The following GRAMD1B variants were observed in gnomAD, a reference collection of about 807,000 sequenced individuals.
GRAMD1B encodes the protein protein Aster-B.
In GRAMD1B, 37 loss-of-function variants were observed where a neutral mutation model predicts 99.7. The ratio of observed to expected loss-of-function variants is 0.37; its 90% CI spans 0.29 to 0.49. The LOEUF (loss-of-function observed/expected upper bound fraction) is 0.49, where lower values mean the gene tolerates loss of function less well. Among genes scored for constraint, GRAMD1B ranks in the 20% least tolerant of loss-of-function variants. GRAMD1B has a pLI of 0.98. For missense variants in GRAMD1B, 888 were observed against 1,009.2 expected, an observed-to-expected ratio of 0.88 and a Z score of 1.63; for synonymous variants, 427 against 387.6, an observed-to-expected ratio of 1.10 and a Z score of -1.19.
intron 1 of GRAMD1B, among the ~76,000 whole-genome samples, chr11:123,365,686 T>C (rs1946298044): frequency 6.6e-6 from 1 of 152,228 alleles, no homozygotes; most frequent in South Asian, 2.1e-4. Context: ...AAAATATGGA[T>C]ACCCGTGCAA....
At chr11:123,608,063 A>G (rs1216052190) in intron 11 of GRAMD1B, 1 of 162,228 alleles carries the variant, frequency 6.2e-6, no homozygotes, top group Admixed American at 5.9e-5. Flanking sequence ...TTGCTATATG[A>G]TGAAGCTGTA....
intron 2 of GRAMD1B, among the ~76,000 whole-genome samples, chr11:123,513,571 T>TCCCTTC (rs1245100756): frequency 9.6e-6 from 1 of 103,870 alleles, no homozygotes; most frequent in African/African-American, 4.2e-5. Context: ...CTTCCTTCCT[T>TCCCTTC]CCTTCCTTTC....
At chr11:123,428,054 G>T (rs975156017), upstream of GRAMD1B, among the ~76,000 whole-genome samples, 21 of 152,252 alleles carry the variant, frequency 1.4e-4, no homozygotes. Context: ...GAATCTTCTG[G>T]CCCCTGTCTT....
intron 1 of GRAMD1B, among the ~76,000 whole-genome samples, chr11:123,474,446 T>A (rs933558824): frequency 6.6e-6 from 1 of 152,222 alleles, no homozygotes; most frequent in Non-Finnish European, 1.5e-5. Context: ...TCAGATACTG[T>A]GACTGGATTA....
intron 1 of GRAMD1B, among the ~76,000 whole-genome samples, chr11:123,438,658 AT>A (rs1949272371): frequency 6.6e-6 from 1 of 152,214 alleles, no homozygotes; most frequent in South Asian, 2.1e-4. Flanking sequence ...TATTTGGAAA[AT>A]TTCCTTGGTG....
chr11:123,409,848 C>T (rs1424581830), intron 1 of GRAMD1B, among the ~76,000 whole-genome samples: 3 of 152,316 alleles, frequency 2.0e-5, no homozygotes, highest in South Asian at 4.1e-4. Flanking sequence ...GGCTTTAGAA[C>T]ATTTAAAGAA....
intron 1 of GRAMD1B, among the ~76,000 whole-genome samples, chr11:123,418,886 G>T (rs1395030781): frequency 6.6e-6 from 1 of 152,110 alleles, no homozygotes; most frequent in Non-Finnish European, 1.5e-5. Context: ...ATAAATGTAA[G>T]TGCTCAGTCT....
intron 2 of GRAMD1B, among the ~76,000 whole-genome samples, chr11:123,566,924 C>T (rs1173304560): frequency 1.3e-5 from 2 of 152,112 alleles, no homozygotes; most frequent in Non-Finnish European, 2.9e-5. Flanking sequence ...TGGTGGTAAG[C>T]AAGGAAAAAA....
intron 1 of GRAMD1B, among the ~76,000 whole-genome samples, chr11:123,453,606 C>T (rs556597617): frequency 1.3e-5 from 2 of 152,138 alleles, no homozygotes; most frequent in Non-Finnish European, 2.9e-5. Flanking sequence ...CATGAGCCAC[C>T]GTGCCTGGCA....
intron 17 of GRAMD1B, among the ~76,000 whole-genome samples, chr11:123,615,806 A>G (rs1954292109): frequency 6.6e-6 from 1 of 152,322 alleles, no homozygotes; most frequent in African/African-American, 2.4e-5. Context: ...TTAATTATCC[A>G]TAACATTACA....
rs530231889 is a variant in GRAMD1B at position 123,607,178 on chromosome 11, G to A, written c.1513+380G>A. On this transcript the variant is annotated intron_variant, in intron 11 of 19. Transcript: ENST00000635736. ...ACAGAAACGTCCTCAAGATAGCTGC[G>A]AAACTTGTTAATGCAATTTTTGCTG... Among the ~76,000 whole-genome samples the A allele has an allele frequency of 4.9e-4, 75 of 152,266 alleles. No individual in the cohort carries two copies. In the South Asian group the frequency reaches 0.012, roughly 25 times the overall value.
rs1955382476 is a variant in GRAMD1B, at chr11:123,624,452, G to C, written c.*1857G>C. 1 of 152,214 alleles carries C rather than the reference G, an allele frequency of 6.6e-6. No homozygotes were observed. The highest frequency in any genetic ancestry group is 2.1e-4 in the South Asian group (1 of 4,826). 9.4% of individuals were successfully genotyped at this position (152,214 alleles called of 1,614,324 possible). ...GGGAGGAGGGTGAGGAGGCTCCAGGGCATGAGCTAGAGTGGATATTCCTCC... is the reference window on the plus strand; with the variant it reads ...GGGAGGAGGGTGAGGAGGCTCCAGGCCATGAGCTAGAGTGGATATTCCTCC... On this transcript the variant is annotated 3_prime_UTR_variant, in exon 20 of 20. Coordinates refer to ENST00000635736, the MANE Select transcript of GRAMD1B (RefSeq NM_001387025.1).
rs776786355 is a variant in GRAMD1B at position 123,610,375 on chromosome 11, G to A, written c.1919+37G>A. The A allele has an allele frequency of 6.2e-7, 1 of 1,606,910 alleles. No individual in the cohort carries two copies. Among genetic ancestry groups the A allele is most frequent in the South Asian group, 1.1e-5 (1 of 90,912 alleles). On this transcript the variant is annotated intron_variant, in intron 14 of 19. Transcript: ENST00000635736. The surrounding 1 kb of genome is among the most constrained non-coding windows in gnomAD (Gnocchi z 4.1). Reference sequence around the variant, plus strand: ...GGAAGTCCCAGTGCGGTCAGACGGGGGTCCTTACCTTAGAGAACATTCATT... The same window carrying A: ...GGAAGTCCCAGTGCGGTCAGACGGGAGTCCTTACCTTAGAGAACATTCATT...
intron 1 of GRAMD1B, among the ~76,000 whole-genome samples, chr11:123,387,048 G>GT (rs1307103146): frequency 6.6e-6 from 1 of 152,166 alleles, no homozygotes; most frequent in Non-Finnish European, 1.5e-5. Flanking sequence ...GACTGCAGCT[G>GT]TTTAAGTGCT....
intron 1 of GRAMD1B, among the ~76,000 whole-genome samples, chr11:123,371,832 AC>A (rs1946539042): frequency 6.6e-6 from 1 of 151,920 alleles, no homozygotes; most frequent in Non-Finnish European, 1.5e-5. Flanking sequence ...CTCTGTCCTT[AC>A]CCCAGGCTCA....
chr11:123,599,123 A>C (rs1951641783), intron 7 of GRAMD1B: 1 of 836,368 alleles, frequency 1.2e-6, no homozygotes, highest in Admixed American at 1.7e-5. Context: ...GGAGCTCCTC[A>C]AATTCCACTG....
rs1555043308 is a variant in GRAMD1B, at chr11:123,492,895, C to CACACACACACACACAT, written c.452+12002_452+12003insACACACACACACACAT. Among the ~76,000 whole-genome samples the CACACACACACACACAT allele has an allele frequency of 3.4e-3, 518 of 151,702 alleles. 5 individuals carry two copies. Among genetic ancestry groups the CACACACACACACACAT allele is most frequent in the Admixed American group, 5.8e-3 (88 of 15,212 alleles). The stretch of plus-strand genomic sequence containing the variant: ...ACACACACACACACACACACACACA[C>CACACACACACACACAT]GCATAGGCATAGATGCCTGTGATTG... On this transcript the variant is annotated intron_variant, in intron 2 of 19. Coordinates refer to ENST00000635736, the MANE Select transcript of GRAMD1B (RefSeq NM_001387025.1). The surrounding 1 kb of genome is among the most constrained non-coding windows in gnomAD (Gnocchi z 4.2).
intron 1 of GRAMD1B, among the ~76,000 whole-genome samples, chr11:123,415,470 T>C (rs1277115131): frequency 4.6e-5 from 7 of 152,014 alleles, no homozygotes; most frequent in East Asian, 1.9e-4. Flanking sequence ...GTGGTGACAT[T>C]GCTATCTTTT....
Position 123,613,510 on chromosome 11 carries a change from T to A in GRAMD1B, c.2079T>A (p.Ser693=). The change falls in exon 16 of 20, where the codon TCT becomes TCA. Residue 693 remains serine (S), a synonymous_variant. Transcript: ENST00000635736. Reference sequence around the variant, plus strand: ...ATTTGGCTGAGATGCACAGACAATCTCCCAAAGAGAAGGCCAGCAAGACTA... The same window carrying A: ...ATTTGGCTGAGATGCACAGACAATCACCCAAAGAGAAGGCCAGCAAGACTA... The part of the protein sequence containing the change: ...STYLAEMHRQ[S]PKEKASKTTT... The A allele has an allele frequency of 6.2e-7, 1 of 1,613,266 alleles. No homozygotes were observed. The highest frequency in any genetic ancestry group is 8.5e-7 in the Non-Finnish European group (1 of 1,179,662).
Sources: gnomAD v4.1 joint callset for allele counts (sites outside exome capture counted in the v4.1 genomes callset) on GRCh38, gnomAD v4.1.1 for gene constraint, Gnocchi (gnomAD v3.1) non-coding constraint, MANE v1.5 for transcripts, NCBI Gene and HGNC (gene_info 2026-07-23, HGNC 2026-07-21) for gene names.